R3HDM2: variants seen among roughly 807,000 people sequenced by gnomAD.
R3HDM2 encodes R3H domain containing 2.
In R3HDM2, 38 loss-of-function variants were observed where a neutral mutation model predicts 124.5. That is an observed-to-expected ratio of 0.31 (90% CI 0.24 to 0.40). R3HDM2 has a LOEUF of 0.40. Ranked by LOEUF, R3HDM2 falls within the 10% of genes least tolerant of loss-of-function variation. R3HDM2 has a pLI of 1.00. For synonymous variants in R3HDM2, 391 were observed against 448.0 expected, an observed-to-expected ratio of 0.87 and a Z score of 1.61; for missense variants, 869 against 1,236.9, an observed-to-expected ratio of 0.70 and a Z score of 4.46.
At chr12:57,304,724 A>C (rs1424537952) in intron 3 of R3HDM2, among the ~76,000 whole-genome samples, 2 of 152,240 alleles carry the variant, frequency 1.3e-5, no homozygotes, top group African/African-American at 4.8e-5. Flanking sequence ...TTCAAAAGGC[A>C]TAATGGGGAT....
At chr12:57,349,410 AAAGAAAATC>A (rs1292188424) in intron 2 of R3HDM2, among the ~76,000 whole-genome samples, 58 of 150,008 alleles carry the variant, frequency 3.9e-4, no homozygotes, top group East Asian at 7.8e-4. Context: ...AAAAAAAAGA[AAAGAAAATC>A]AAGAAAATCA....
intron 2 of R3HDM2, among the ~76,000 whole-genome samples, chr12:57,314,217 C>G (rs905404177): frequency 6.9e-6 from 1 of 145,070 alleles, no homozygotes; most frequent in Non-Finnish European, 1.5e-5. Context: ...CGGTAGCTCA[C>G]GCCTGTAATC....
chr12:57,401,801 T>C (rs576434047), intron 1 of R3HDM2, among the ~76,000 whole-genome samples: 253 of 152,086 alleles, frequency 1.7e-3, no homozygotes, highest in African/African-American at 4.7e-3. Flanking sequence ...CTGGCCAACA[T>C]GGTGAAACCC....
intron 2 of R3HDM2, among the ~76,000 whole-genome samples, chr12:57,351,853 T>C (rs2060710088): frequency 6.6e-6 from 1 of 152,146 alleles, no homozygotes; most frequent in Non-Finnish European, 1.5e-5. Flanking sequence ...AGGAATGATA[T>C]ACGGATGCTC....
intron 1 of R3HDM2, among the ~76,000 whole-genome samples, chr12:57,400,327 G>A (rs1222634486): frequency 3.3e-5 from 5 of 151,524 alleles, no homozygotes; most frequent in East Asian, 1.9e-4. Context: ...GCAAACTATC[G>A]CAAGGACAAA....
Position 57,310,475 on chromosome 12 carries a change from T to C in R3HDM2, c.-35-12A>G. On this transcript the variant is annotated splice_polypyrimidine_tract_variant and intron_variant, in intron 2 of 23. Transcript: ENST00000402412. ...GCCTCTATGGACTCCTAAAGAAACA[T>C]CAAATGCATTAAGCAGGAGGTATGT... 7.2e-7 allele frequency: 1 copy of C among 1,382,248 alleles called. No individual in the cohort carries two copies. Among genetic ancestry groups the C allele is most frequent in the Non-Finnish European group, 9.5e-7 (1 of 1,051,392 alleles). The allele number at this position is 1,382,248 out of a possible 1,614,324, so 85.6% of individuals were successfully genotyped here. A position where few individuals can be genotyped will look rare whatever the true frequency, so the allele number is the denominator to read the frequency against.
intron 1 of R3HDM2, among the ~76,000 whole-genome samples, chr12:57,405,390 G>A (rs980547434): frequency 2.6e-5 from 4 of 152,156 alleles, no homozygotes; most frequent in Non-Finnish European, 5.9e-5. Context: ...TGTAATCTCA[G>A]AACTTTAGAA....
chr12:57,426,183 A>G (rs1187589526), intron 1 of R3HDM2, among the ~76,000 whole-genome samples: 3 of 152,158 alleles, frequency 2.0e-5, no homozygotes, highest in African/African-American at 7.2e-5. Context: ...AGCCAAGATC[A>G]CACCATTGCA....
chr12:57,325,525 C>T (rs1459990297), intron 2 of R3HDM2, among the ~76,000 whole-genome samples: 1 of 152,056 alleles, frequency 6.6e-6, no homozygotes, highest in Admixed American at 6.6e-5. Flanking sequence ...CTGATTAGAC[C>T]AGTCCTGGAC....
At chr12:57,313,882 GAAAAAAAAA>G (rs869177467) in intron 2 of R3HDM2, among the ~76,000 whole-genome samples, 1 of 60,494 alleles carries the variant, frequency 1.7e-5, no homozygotes, top group Non-Finnish European at 3.0e-5. Context: ...TCCTGTCTCT[GAAAAAAAAA>G]AAAAAAAAAA....
intron 2 of R3HDM2, among the ~76,000 whole-genome samples, chr12:57,380,391 C>A (rs2064686306): frequency 6.6e-6 from 1 of 152,114 alleles, no homozygotes; most frequent in East Asian, 1.9e-4. Flanking sequence ...TAATATTACA[C>A]AAAAGACCCT....
At chr12:57,312,426 C>T (rs1307128661) in intron 2 of R3HDM2, among the ~76,000 whole-genome samples, 2 of 151,884 alleles carry the variant, frequency 1.3e-5, no homozygotes, top group Non-Finnish European at 2.9e-5. Flanking sequence ...TGGCATGTGC[C>T]TGTAGTTCTA....
At chr12:57,271,758 A>G (rs562975011) in intron 14 of R3HDM2, among the ~76,000 whole-genome samples, 2 of 152,360 alleles carry the variant, frequency 1.3e-5, no homozygotes, top group East Asian at 3.9e-4. Context: ...AGATCTTCAA[A>G]GGATTTGTAG....
At chr12:57,255,950 T>C in intron 23 of R3HDM2, 40 bp downstream of exon 23, 1 of 1,569,922 alleles carries the variant, frequency 6.4e-7, no homozygotes, top group Non-Finnish European at 8.7e-7. Flanking sequence ...GCTGGAAGGG[T>C]GGGCACCTTC....
intron 2 of R3HDM2, among the ~76,000 whole-genome samples, chr12:57,344,128 C>T (rs1370627846): frequency 1.3e-5 from 2 of 152,140 alleles, no homozygotes; most frequent in African/African-American, 2.4e-5. Flanking sequence ...TTCATGATGA[C>T]TCTTCACACC....
chr12:57,269,570 T>C, intron 15 of R3HDM2, 121 bp from the exon 16 acceptor site: 1 of 1,468,588 alleles, frequency 6.8e-7, no homozygotes, highest in East Asian at 2.3e-5. Flanking sequence ...ATTTTGGACC[T>C]GCAATTGCAG....
chr12:57,309,699 A>G (rs527875758), intron 3 of R3HDM2, among the ~76,000 whole-genome samples: 1 of 152,324 alleles, frequency 6.6e-6, no homozygotes, highest in East Asian at 1.9e-4. Flanking sequence ...GTTTGTGTAC[A>G]GTTTATTTTT....
intron 14 of R3HDM2, among the ~76,000 whole-genome samples, chr12:57,276,063 A>G (rs2044643689): frequency 6.6e-6 from 1 of 152,022 alleles, no homozygotes; most frequent in Non-Finnish European, 1.5e-5. Flanking sequence ...TAAAAATACA[A>G]AAAATTAGCT....
chr12:57,428,629 T>C (rs1041708495), intron 1 of R3HDM2, among the ~76,000 whole-genome samples: 1 of 152,118 alleles, frequency 6.6e-6, no homozygotes, highest in Non-Finnish European at 1.5e-5. Flanking sequence ...CGCTCCACCC[T>C]GGGTGACATA....
Sources: gnomAD v4.1 joint callset for allele counts (sites outside exome capture counted in the v4.1 genomes callset) on GRCh38, gnomAD v4.1.1 for gene constraint, MANE v1.5 for transcripts, NCBI Gene and HGNC (gene_info 2026-07-23, HGNC 2026-07-21) for gene names.